Variants in FBN2 observed in about 807,000 individuals in gnomAD.
FBN2 encodes fibrillin 2.
In FBN2, 105 loss-of-function variants were observed where a neutral mutation model predicts 355.6. The observed-to-expected ratio is 0.30, with a 90% CI of 0.25 to 0.35. The LOEUF (loss-of-function observed/expected upper bound fraction) is 0.35, where lower values mean the gene tolerates loss of function less well. Ranked by LOEUF, FBN2 falls within the 10% of genes least tolerant of loss-of-function variation. FBN2 has a pLI of 1.00. For missense variants in FBN2, 3,280 were observed against 3,758.7 expected, an observed-to-expected ratio of 0.87 and a Z score of 3.33; for synonymous variants, 1,350 against 1,301.2, an observed-to-expected ratio of 1.04 and a Z score of -0.81.
intron 17 of FBN2, among the ~76,000 whole-genome samples, chr5:128,365,901 C>G (rs1472082808): frequency 2.0e-5 from 3 of 151,594 alleles, no homozygotes; most frequent in African/African-American, 7.3e-5. Context: ...TACTTCTTTA[C>G]TTGGAGAGAA....
intron 5 of FBN2, among the ~76,000 whole-genome samples, chr5:128,515,798 T>TA (rs913972530): frequency 3.3e-5 from 5 of 152,216 alleles, no homozygotes; most frequent in East Asian, 1.9e-4. Flanking sequence ...TAAGTTGTAC[T>TA]AAAAAAATGT....
Position 128,347,972 on chromosome 5 carries a change from AG to A in FBN2, c.2989+1374del, listed in dbSNP as rs35377639. ...TTTTATATTTTTAGTAGAGACGGGG[AG>A]GGGGGGGTTCCCCATGTTGCCCAGG... On this transcript the variant is annotated intron_variant, in intron 23 of 64. Transcript: ENST00000262464. Among the ~76,000 whole-genome samples, 179 of 151,120 alleles carry A rather than the reference AG, an allele frequency of 1.2e-3. 2 individuals carry two copies. Among genetic ancestry groups the A allele is most frequent in the Middle Eastern group, 6.8e-3 (2 of 294 alleles).
At chr5:128,412,112 T>G (rs1329329195) in intron 7 of FBN2, among the ~76,000 whole-genome samples, 1 of 152,184 alleles carries the variant, frequency 6.6e-6, no homozygotes, top group Non-Finnish European at 1.5e-5. Context: ...TTTTTGAAAC[T>G]ATATCAGTTT....
chr5:128,285,927 A>C (rs1561748177), intron 55 of FBN2, among the ~76,000 whole-genome samples: 1 of 152,238 alleles, frequency 6.6e-6, no homozygotes, highest in South Asian at 2.1e-4. Context: ...TTTCATTCAA[A>C]TAAATTAAAA....
chr5:128,479,729 T>A (rs1755102414), intron 5 of FBN2, among the ~76,000 whole-genome samples: 1 of 151,764 alleles, frequency 6.6e-6, no homozygotes, highest in African/African-American at 2.4e-5. Context: ...GAGTTCAAAG[T>A]CAACCTGGGC....
At chr5:128,445,558 A>C (rs1019527138) in intron 7 of FBN2, among the ~76,000 whole-genome samples, 4 of 152,324 alleles carry the variant, frequency 2.6e-5, no homozygotes, top group South Asian at 2.1e-4. Context: ...CAATCAACAA[A>C]AAATAAACTA....
intron 5 of FBN2, among the ~76,000 whole-genome samples, chr5:128,465,402 G>A (rs1486250133): frequency 6.6e-6 from 1 of 152,158 alleles, no homozygotes; most frequent in Non-Finnish European, 1.5e-5. Context: ...GGCCCTGAAG[G>A]CATCAGCATT....
rs558526144 is a variant in FBN2 at position 128,484,479 on chromosome 5, A to T, written c.629-19558T>A. ...AGCATGCAAATCAACAAGAAAGACAAACACCTTTAGAAAAACAGAAAAATA... is the reference window on the plus strand; with the variant it reads ...AGCATGCAAATCAACAAGAAAGACATACACCTTTAGAAAAACAGAAAAATA... On this transcript the variant is annotated intron_variant, in intron 5 of 64. Transcript: ENST00000262464. Among the ~76,000 whole-genome samples the T allele has an allele frequency of 4.6e-5, 7 of 152,348 alleles. No homozygotes were observed. The East Asian group carries it at 1.3e-3, about 29-fold the overall frequency.
chr5:128,479,970 CTCTCTCTATATATATATATATA>C (rs1232575669), intron 5 of FBN2, among the ~76,000 whole-genome samples: 134 of 24,258 alleles, frequency 5.5e-3, no homozygotes, highest in Admixed American at 0.017. Flanking sequence ...CTCTCTCTCT[CTCTCTCTATATATATATATATA>C]TATATATATA....
At chr5:128,346,625 T>C (rs1215568575) in intron 23 of FBN2, among the ~76,000 whole-genome samples, 10 of 152,180 alleles carry the variant, frequency 6.6e-5, no homozygotes, top group Admixed American at 5.9e-4. Flanking sequence ...TTCTTTCTTT[T>C]GAGATGGAGT....
At position 128,273,854 on chromosome 5, in the gene FBN2, C is replaced by A. The variant is rs1200890579; in HGVS notation, c.7826G>T (p.Gly2609Val). The part of the protein sequence containing the change: ...CQRGFSLDAT[G>V]LNCEDVDECD... ...AATCAACTAACCTTCACAGTTCAGTCCGGTGGCATCAAGAGAGAACCCTCT... is the reference window on the plus strand; with the variant it reads ...AATCAACTAACCTTCACAGTTCAGTACGGTGGCATCAAGAGAGAACCCTCT... The change falls in exon 61 of 65, where the codon GGA becomes GTA. Residue 2609 changes from glycine to valine, a missense_variant. Transcript: ENST00000262464. The A allele has an allele frequency of 1.2e-6, 2 of 1,613,866 alleles. No homozygotes were observed. The highest frequency in any genetic ancestry group is 1.7e-6 in the Non-Finnish European group (2 of 1,179,894).
chr5:128,537,523 G>A lies in FBN2; in HGVS notation c.81C>T (p.Ala27=), dbSNP rs746484599. 1.4e-5 allele frequency: 22 copies of A among 1,578,744 alleles called. No homozygotes were observed. The highest frequency in any genetic ancestry group is 1.8e-5 in the Non-Finnish European group (21 of 1,165,416). ...TGGGCGGAGGAGGCTGAGGCTGGCC[G>A]GCCGTGCCCTGCGCCCAGAGCACCA... is the stretch of plus-strand genomic sequence containing the variant. ...GCVVLWAQGT[A]GQPQPPPPKP... Residue 27 remains alanine, a synonymous_variant, in exon 1 of 65, where the codon GCC becomes GCT. Coordinates refer to ENST00000262464, the MANE Select transcript of FBN2 (RefSeq NM_001999.4).
intron 14 of FBN2, 76 bp downstream of exon 14, chr5:128,376,655 A>C: frequency 6.5e-7 from 1 of 1,536,744 alleles, no homozygotes; most frequent in Non-Finnish European, 9.0e-7. Flanking sequence ...AAGCTGAAGT[A>C]ATTCTTCCAT....
chr5:128,376,779 T>G lies in FBN2; in HGVS notation c.1924A>C (p.Ile642Leu), dbSNP rs863223598. Residue 642 changes from isoleucine to leucine, a missense_variant, in exon 14 of 65, where the codon ATC becomes CTC. Ile to Leu is a conservative substitution (Grantham distance 5). This residue lies in a region of FBN2 where 2,284 missense variants were observed against 2,749.5 expected (regional missense o/e 0.83). Coordinates refer to ENST00000262464, the MANE Select transcript of FBN2 (RefSeq NM_001999.4). ...CINEDGSFKCICKPGFVLAPN... is the reference protein window; with the variant it reads ...CINEDGSFKCLCKPGFVLAPN... ...GCCAAGACAAATCCTGGTTTGCAGATGCACTTGAAGCTGCCATCTTCATTG... is the reference window on the plus strand; with the variant it reads ...GCCAAGACAAATCCTGGTTTGCAGAGGCACTTGAAGCTGCCATCTTCATTG... 1 of 1,613,632 alleles carries G rather than the reference T, an allele frequency of 6.2e-7. No individual in the cohort carries two copies. Among genetic ancestry groups the G allele is most frequent in the Non-Finnish European group, 8.5e-7 (1 of 1,179,750 alleles).
chr5:128,377,329 G>A (rs1160236367), intron 13 of FBN2, among the ~76,000 whole-genome samples: 1 of 152,080 alleles, frequency 6.6e-6, no homozygotes, highest in Non-Finnish European at 1.5e-5. Flanking sequence ...TTTGTGTACT[G>A]CATATGTCAA....
chr5:128,387,947 A>G (rs1752410601), intron 11 of FBN2, among the ~76,000 whole-genome samples: 1 of 152,136 alleles, frequency 6.6e-6, no homozygotes, highest in African/African-American at 2.4e-5. Flanking sequence ...TGGGGTGTTA[A>G]AGCCTCTCAC....
intron 8 of FBN2, among the ~76,000 whole-genome samples, chr5:128,397,799 G>A (rs990053341): frequency 3.3e-5 from 5 of 151,970 alleles, no homozygotes; most frequent in East Asian, 1.9e-4. Context: ...ATTAAACTCC[G>A]GAGACTGTGA....
At chr5:128,496,712 C>T (rs1755663927) in intron 5 of FBN2, among the ~76,000 whole-genome samples, 1 of 151,760 alleles carries the variant, frequency 6.6e-6, no homozygotes, top group Admixed American at 6.6e-5. Context: ...GAAGTAAAAC[C>T]ATCTCTATTT....
chr5:128,357,256 G>T lies in FBN2; in HGVS notation c.2674+20C>A. Reference sequence around the variant, plus strand: ...TCTTGGCAGTGAAATTGAAGCATCAGTATTGTGTATGAATCTTACCAATAC... The same window carrying T: ...TCTTGGCAGTGAAATTGAAGCATCATTATTGTGTATGAATCTTACCAATAC... On this transcript the variant is annotated intron_variant, in intron 20 of 64. Coordinates refer to ENST00000262464, the MANE Select transcript of FBN2 (RefSeq NM_001999.4). The T allele has an allele frequency of 6.2e-7, 1 of 1,613,630 alleles. No homozygotes were observed. The highest frequency in any genetic ancestry group is 8.5e-7 in the Non-Finnish European group (1 of 1,179,576).
Sources: allele counts gnomAD v4.1 joint callset (sites outside exome capture counted in the v4.1 genomes callset), GRCh38; gene constraint gnomAD v4.1.1; regional missense constraint gnomAD v4.1.1; transcripts MANE v1.5; gene names NCBI Gene and HGNC (gene_info 2026-07-23, HGNC 2026-07-21).